GFUS: variants seen among roughly 807,000 people sequenced by gnomAD.
The protein encoded by GFUS is GDP-L-fucose synthase, also known as 3-5 epimerase/4-reductase.
Under a neutral mutation model 41.5 loss-of-function variants are expected in GFUS, and 42 were observed. The observed-to-expected ratio is 1.01, with a 90% CI of 0.79 to 1.31. GFUS has a LOEUF of 1.31. Among genes scored for constraint, GFUS ranks in the 50% most tolerant of loss-of-function variants. The pLI is 0.00. For synonymous variants in GFUS, 188 were observed against 173.4 expected, an observed-to-expected ratio of 1.08 and a Z score of -0.66; for missense variants, 437 against 428.7, an observed-to-expected ratio of 1.02 and a Z score of -0.17.
At position 143,614,763 on chromosome 8, in the gene GFUS, CCA is replaced by C. The variant is rs1829680799; in HGVS notation, c.390+22_390+23del. On this transcript the variant is annotated intron_variant, in intron 4 of 10. Transcript: ENST00000425753. ...CTGCCCACCGGCTCCCCGGCCCCACCCACAGCCAGGCCCTGCCCCTCACCATG... is the reference window on the plus strand; with the variant it reads ...CTGCCCACCGGCTCCCCGGCCCCACCCAGCCAGGCCCTGCCCCTCACCATG... 1.9e-6 allele frequency: 3 copies of C among 1,613,466 alleles called. No homozygotes were observed. The East Asian group carries it at 6.7e-5, about 36-fold the overall frequency.
chr8:143,616,756 T>C, intron 1 of GFUS, 33 bp from the exon 2 acceptor site: 1 of 1,612,354 alleles, frequency 6.2e-7, no homozygotes, highest in Non-Finnish European at 8.5e-7. Context: ...GCTGAGGTCA[T>C]CACGCTCTCA....
chr8:143,616,218 T>C lies in GFUS; in HGVS notation c.149A>G (p.Asp50Gly), dbSNP rs1365955470. ...AAACAGGGCGCGGGTCTGTGCTGTA[T>C]CCCTGTAGGAAGCCAGGCTGTCAGG... Reference protein sequence around the residue: ...FVSSKDADLTDTAQTRALFEK... With the variant: ...FVSSKDADLTGTAQTRALFEK... The change falls in exon 3 of 11, where the codon GAT becomes GGT. Residue 50 changes from aspartate to glycine, a missense_variant and splice_region_variant. Physicochemically the swap from Asp to Gly is moderately conservative, Grantham distance 94. Transcript: ENST00000425753. The C allele has an allele frequency of 6.2e-7, 1 of 1,613,914 alleles. No homozygotes were observed. The highest frequency in any genetic ancestry group is 2.2e-5 in the East Asian group (1 of 44,878).
chr8:143,617,481 C>A lies in GFUS; in HGVS notation c.-19G>T, dbSNP rs949078636. The A allele has an allele frequency of 7.9e-5, 12 of 152,308 alleles. No homozygotes were observed. The highest frequency in any genetic ancestry group is 2.9e-4 in the African/African-American group (12 of 41,472). The allele number at this position is 152,308 out of a possible 1,614,324, so 9.4% of individuals were successfully genotyped here. A position where few individuals can be genotyped will look rare whatever the true frequency, so the allele number is the denominator to read the frequency against. ...AGTCCGGTGCCACCTCACCTGCGTC[C>A]AGCCCCACCGCCGGCTCCCCGACAG... On this transcript the variant is annotated 5_prime_UTR_variant, in exon 1 of 11. Transcript: ENST00000425753.
At position 143,613,280 on chromosome 8, in the gene GFUS, A is replaced by G. The variant is rs780285174; in HGVS notation, c.826T>C (p.Ser276Pro). Residue 276 changes from serine (S) to proline (P), a missense_variant, in exon 10 of 11, where the codon TCG becomes CCG. Coordinates refer to ENST00000425753, the MANE Select transcript of GFUS (RefSeq NM_003313.4). ...GCTGTCTTCTTAAACTGCCCATCCGACTTGGTTGTATCAAACTGGAGGCTT... is the reference window on the plus strand; with the variant it reads ...GCTGTCTTCTTAAACTGCCCATCCGGCTTGGTTGTATCAAACTGGAGGCTT... ...HGEVTFDTTK[S>P]DGQFKKTASN... 1.2e-6 allele frequency: 2 copies of G among 1,613,870 alleles called. No homozygotes were observed. Among genetic ancestry groups the G allele is most frequent in the African/African-American group, 2.7e-5 (2 of 74,874 alleles).
chr8:143,614,755 G>A (rs760430470), intron 4 of GFUS, 32 bp downstream of exon 4: 32 of 1,613,018 alleles, frequency 2.0e-5, no homozygotes, highest in East Asian at 4.5e-5. Flanking sequence ...CCGGCTCCCC[G>A]GCCCCACCCA....
At chr8:143,617,436 C>G (rs1359695964) in intron 1 of GFUS, 38 bp downstream of exon 1, 1 of 152,440 alleles carries the variant, frequency 6.6e-6, no homozygotes, top group Non-Finnish European at 1.5e-5. Flanking sequence ...ACGGAGCATC[C>G]AGGGCCCAGG....
At position 143,613,806 on chromosome 8, in the gene GFUS, C is replaced by G; in HGVS notation, c.675G>C (p.Gln225His). 1 of 1,550,812 alleles carries G rather than the reference C, an allele frequency of 6.4e-7. No homozygotes were observed. Among genetic ancestry groups the G allele is most frequent in the South Asian group, 1.2e-5 (1 of 84,064 alleles). Residue 225 changes from glutamine (Q) to histidine (H), a missense_variant, in exon 8 of 11, where the codon CAG becomes CAC. By Grantham distance (24) the Gln-to-His change is conservative. Transcript: ENST00000425753. ...ACTCCCGCAGGACCCAGATAAAGAG[C>G]TGGGCCAGGTCCTAGAGGTCAGACA... ...RQFIYSLDLA[Q>H]LFIWVLREYN...
At chr8:143,615,983 GC>G (rs1829714808) in intron 3 of GFUS, 122 bp downstream of exon 3, 3 of 813,962 alleles carry the variant, frequency 3.7e-6, no homozygotes, top group Non-Finnish European at 3.9e-6. Flanking sequence ...GCTGTGCCAA[GC>G]CCTGATCCTC....
chr8:143,614,530 G>A, intron 5 of GFUS, 77 bp from the exon 6 acceptor site: 1 of 1,563,392 alleles, frequency 6.4e-7, no homozygotes, highest in Non-Finnish European at 8.7e-7. Context: ...CTCTTACTGA[G>A]GCTGGCACGA....
At chr8:143,616,024 T>A (rs1829715312) in intron 3 of GFUS, 82 bp downstream of exon 3, 2 of 1,206,430 alleles carry the variant, frequency 1.7e-6, no homozygotes, top group Admixed American at 2.1e-5. Flanking sequence ...AATGTGGGCC[T>A]GTGAGAGTGG....
rs773078235 is a variant in GFUS at position 143,614,885 on chromosome 8, G to T, written c.292C>A (p.Leu98Met). The T allele has an allele frequency of 8.9e-5, 143 of 1,612,118 alleles. 1 individual carries two copies. Among genetic ancestry groups the T allele is most frequent in the Non-Finnish European group, 1.9e-5 (22 of 1,178,862 alleles). ...GCGCCCACCTCAAAGGCCGAGTGCAGGACGTTGTCGTTCATGTGCACGTTT... is the reference window on the plus strand; with the variant it reads ...GCGCCCACCTCAAAGGCCGAGTGCATGACGTTGTCGTTCATGTGCACGTTT... ...RKNVHMNDNVLHSAFEVGARK... is the reference protein window; with the variant it reads ...RKNVHMNDNVMHSAFEVGARK... Residue 98 changes from leucine (L) to methionine (M), a missense_variant, in exon 4 of 11, where the codon CTG becomes ATG. Leu to Met is a conservative substitution (Grantham distance 15). Coordinates refer to ENST00000425753, the MANE Select transcript of GFUS (RefSeq NM_003313.4).
In GFUS at chr8:143,616,914, C is replaced by T. The variant is rs1829742147; in HGVS notation, c.-11-191G>A. 5 of 668,124 alleles carry T rather than the reference C, an allele frequency of 7.5e-6. No individual in the cohort carries two copies. The South Asian group carries it at 7.5e-5, about 10-fold the overall frequency. The allele number at this position is 668,124 out of a possible 1,614,324, so 41.4% of individuals were successfully genotyped here. ...TCCCCTGGGAGCTCTCAGCCTACAG[C>T]GCCGCAGGGGTCCTGAGCTACCACC... On this transcript the variant is annotated intron_variant, in intron 1 of 10. Coordinates refer to ENST00000425753, the MANE Select transcript of GFUS (RefSeq NM_003313.4).
intron 3 of GFUS, among the ~76,000 whole-genome samples, chr8:143,615,310 C>T (rs1454745830): frequency 6.6e-6 from 1 of 152,210 alleles, no homozygotes; most frequent in Admixed American, 6.5e-5. Context: ...GAGGAGCTCC[C>T]ACCTGGCTCT....
chr8:143,616,426 G>A (rs767713725), intron 2 of GFUS, 141 bp downstream of exon 2: 3 of 1,363,470 alleles, frequency 2.2e-6, no homozygotes, highest in South Asian at 1.2e-5. Flanking sequence ...AGCACACCCA[G>A]GCCAGGCCAG....
rs144331064 is a variant in GFUS at position 143,614,209 on chromosome 8, C to T, written c.618G>A (p.Thr206=). The T allele has an allele frequency of 7.9e-5, 127 of 1,613,588 alleles. No homozygotes were observed. Among genetic ancestry groups the T allele is most frequent in the South Asian group, 7.8e-4 (71 of 91,086 alleles). Residue 206 remains threonine (T), a synonymous_variant, in exon 7 of 11, where the codon ACG becomes ACA. Transcript: ENST00000425753. ...TCCGCGGATTCCCTGTACCCCACAC[C>T]GTCAGGGCCGAGCCGCTGCCTGCAG... ...HLAKSSGSAL[T]VWGTGNPRRQ... is the part of the protein sequence containing the mutation.
rs1257103061 is a variant in GFUS, at chr8:143,613,715, C to G, written c.730+36G>C. The G allele has an allele frequency of 1.9e-6, 3 of 1,556,310 alleles. No homozygotes were observed. In the South Asian group the frequency reaches 3.5e-5, roughly 18 times the overall value. On this transcript the variant is annotated intron_variant, in intron 8 of 10. Coordinates refer to ENST00000425753, the MANE Select transcript of GFUS (RefSeq NM_003313.4). ...CAGGACAACCTTGGATCCTGTCCTA[C>G]CATGGAGGAAGGGGGCTGAGGGCTG...
At chr8:143,614,501 A>G (rs756877114) in intron 5 of GFUS, 48 bp from the exon 6 acceptor site, 5 of 1,577,180 alleles carry the variant, frequency 3.2e-6, no homozygotes, top group Non-Finnish European at 4.3e-6. Context: ...CCGCGATCCC[A>G]CCCCAGGCTG....
intron 10 of GFUS, 69 bp from the exon 11 acceptor site, chr8:143,613,034 G>C (rs1829615782): frequency 1.3e-6 from 2 of 1,582,566 alleles, no homozygotes; most frequent in Non-Finnish European, 1.7e-6. Flanking sequence ...AGTGGGGGGA[G>C]GAGGCCCAGG....
At position 143,614,679 on chromosome 8, in the gene GFUS, G is replaced by C. The variant is rs138619385; in HGVS notation, c.409C>G (p.His137Asp). ...DETMIHNGPP[H>D]NSNFGYSYAK... The stretch of plus-strand genomic sequence containing the variant: ...TACGAGTACCCAAAATTGCTGTTGT[G>C]GGGAGGCCCATTGTGGATCTGCGGG... The change falls in exon 5 of 11, where the codon CAC (histidine) becomes GAC (aspartate). Residue 137 changes from histidine (H) to aspartate (D), a missense_variant. His to Asp is a moderately conservative substitution (Grantham distance 81). Coordinates refer to ENST00000425753, the MANE Select transcript of GFUS (RefSeq NM_003313.4). 4.3e-5 allele frequency: 70 copies of C among 1,611,646 alleles called. No homozygotes were observed. Among genetic ancestry groups the C allele is most frequent in the Non-Finnish European group, 5.9e-5 (69 of 1,178,428 alleles).
Sources: gnomAD v4.1 joint callset for allele counts (sites outside exome capture counted in the v4.1 genomes callset) on GRCh38, gnomAD v4.1.1 for gene constraint, MANE v1.5 for transcripts, NCBI Gene and HGNC (gene_info 2026-07-23, HGNC 2026-07-21) for gene names.